The following NBEAL1 variants were observed in gnomAD, a reference collection of about 807,000 sequenced individuals.
The protein encoded by NBEAL1 is neurobeachin-like protein 1.
NBEAL1 carries 273 observed loss-of-function variants against 351.3 expected under a neutral mutation model. The observed-to-expected ratio is 0.78, with a 90% CI of 0.70 to 0.86. The LOEUF (loss-of-function observed/expected upper bound fraction) is 0.86, where lower values mean the gene tolerates loss of function less well. Ranked by LOEUF, NBEAL1 falls within the 40% of genes least tolerant of loss-of-function variation. The probability of loss-of-function intolerance (pLI) is 0.00; values close to 1 mark genes in which losing one functional copy is unlikely to be tolerated. For synonymous variants in NBEAL1, 1,050 were observed against 1,086.4 expected (o/e 0.97, Z 0.66); for missense variants, 2,961 against 3,201.3 (o/e 0.92, Z 1.81).
intron 21 of NBEAL1, 101 bp from the exon 22 acceptor site, chr2:203,126,456 T>C (rs1279536333): frequency 2.0e-6 from 2 of 979,200 alleles, no homozygotes; most frequent in Non-Finnish European, 2.8e-6. Context: ...GGTTTTTCTA[T>C]TTTTATACTT....
At chr2:203,115,700 G>T (rs1015233968) in intron 17 of NBEAL1, among the ~76,000 whole-genome samples, 1 of 152,154 alleles carries the variant, frequency 6.6e-6, no homozygotes, top group Non-Finnish European at 1.5e-5. Context: ...AAAGTGCTGG[G>T]ATTACAGGCA....
chr2:203,181,180 C>T (rs1210615220), intron 43 of NBEAL1: 2 of 151,864 alleles, frequency 1.3e-5, no homozygotes, highest in African/African-American at 4.8e-5. Context: ...GATCCTTCCA[C>T]CTTGGCCTCC....
chr2:203,127,927 A>G lies in NBEAL1; in HGVS notation c.3395A>G (p.Glu1132Gly), dbSNP rs1485938616. 1.5e-5 allele frequency: 24 copies of G among 1,549,088 alleles called. No individual in the cohort carries two copies. Among genetic ancestry groups the G allele is most frequent in the Non-Finnish European group, 1.9e-5 (22 of 1,145,000 alleles). Residue 1132 changes from glutamate to glycine, a missense_variant, in exon 24 of 56, where the codon GAA (glutamate) becomes GGA (glycine). Physicochemically the swap from Glu to Gly is moderately conservative, Grantham distance 98. Coordinates refer to ENST00000683969, the MANE Select transcript of NBEAL1 (RefSeq NM_001378026.1). ...ATGGGGTACATAGCTGCTACTAATGAAGAAGAACAGGTATTATGCCTAAGA... is the reference window on the plus strand; with the variant it reads ...ATGGGGTACATAGCTGCTACTAATGGAGAAGAACAGGTATTATGCCTAAGA... ...SIMGYIAATNEEEQLFGILDV... is the reference protein window; with the variant it reads ...SIMGYIAATNGEEQLFGILDV...
Position 203,151,569 on chromosome 2 carries a change from G to C in NBEAL1, c.5567G>C (p.Ser1856Thr), listed in dbSNP as rs766225949. 4 of 1,606,076 alleles carry C rather than the reference G, an allele frequency of 2.5e-6. No individual in the cohort carries two copies. The African/African-American group carries it at 4.0e-5, about 16-fold the overall frequency. The part of the protein sequence containing the change: ...NYNFKTHEEA[S>T]ALRDNLGIQH... ...AATTTCAAAACCCATGAGGAAGCTA[G>C]TGCCTTGAGAGATAATCTGGGTGAG... is the stretch of plus-strand genomic sequence containing the variant. The change falls in exon 35 of 56, where the codon AGT becomes ACT. Residue 1856 changes from serine to threonine, a missense_variant. Physicochemically the swap from Ser to Thr is moderately conservative, Grantham distance 58. Transcript: ENST00000683969.
intron 42 of NBEAL1, among the ~76,000 whole-genome samples, chr2:203,178,444 G>A (rs1458604805): frequency 2.6e-5 from 4 of 152,150 alleles, no homozygotes; most frequent in Non-Finnish European, 5.9e-5. Flanking sequence ...TGGGATTACA[G>A]GCGTGAGCCA....
Position 203,222,113 on chromosome 2 carries a change from A to G in NBEAL1, c.*4759A>G, listed in dbSNP as rs1354222664. Among the ~76,000 whole-genome samples, 1 of 152,206 alleles carries G rather than the reference A, an allele frequency of 6.6e-6. No individual in the cohort carries two copies. The highest frequency in any genetic ancestry group is 2.4e-5 in the African/African-American group (1 of 41,464). On this transcript the variant is annotated 3_prime_UTR_variant, in exon 56 of 56. Coordinates refer to ENST00000683969, the MANE Select transcript of NBEAL1 (RefSeq NM_001378026.1). ...TGAGGCAAGGGGTTTGCTTGAGCCT[A>G]GAGATCAAGGCTGCAGTAAGCTGTG...
rs1341695838 is a variant in NBEAL1, at chr2:203,099,723, T to C, written c.1269+11T>C. 7 of 1,516,860 alleles carry C rather than the reference T, an allele frequency of 4.6e-6. No individual in the cohort carries two copies. The highest frequency in any genetic ancestry group is 2.2e-5 in the Admixed American group (1 of 45,186). The allele number at this position is 1,516,860 out of a possible 1,614,324, so 94.0% of individuals were successfully genotyped here. On this transcript the variant is annotated intron_variant, in intron 12 of 55. Coordinates refer to ENST00000683969, the MANE Select transcript of NBEAL1 (RefSeq NM_001378026.1). ...TCTCCAGCTGCTAAGGTGAAACATATATCCTCCAGCTTTTTTTTTTTTCTT... is the reference window on the plus strand; with the variant it reads ...TCTCCAGCTGCTAAGGTGAAACATACATCCTCCAGCTTTTTTTTTTTTCTT...
chr2:203,164,792 C>T (rs369770858), intron 36 of NBEAL1, among the ~76,000 whole-genome samples: 8 of 151,904 alleles, frequency 5.3e-5, no homozygotes, highest in African/African-American at 1.9e-4. Context: ...ATGTCTAGGA[C>T]CAGAGAGTTA....
In NBEAL1 at chr2:203,062,636, G is replaced by C. The variant is rs1325025664; in HGVS notation, c.515+5183G>C. 1 of 165,566 alleles carries C rather than the reference G, an allele frequency of 6.0e-6. No individual in the cohort carries two copies. The highest frequency in any genetic ancestry group is 2.4e-5 in the African/African-American group (1 of 41,528). 10.3% of individuals were successfully genotyped at this position (165,566 alleles called of 1,614,324 possible). On this transcript the variant is annotated intron_variant, in intron 6 of 55. Transcript: ENST00000683969. This position sits in a 1 kb window ranked among gnomAD's most constrained non-coding sequence, Gnocchi z 4.2. ...AGATGGCAACAGAAAGGGGGGCAAAGTAGAGGATGAGTAGCAGCATTTAAT... is the reference window on the plus strand; with the variant it reads ...AGATGGCAACAGAAAGGGGGGCAAACTAGAGGATGAGTAGCAGCATTTAAT...
intron 8 of NBEAL1, among the ~76,000 whole-genome samples, chr2:203,079,756 A>G (rs1181256439): frequency 6.6e-6 from 1 of 152,216 alleles, no homozygotes; most frequent in Non-Finnish European, 1.5e-5. Context: ...CCAATAATAC[A>G]CTAGGCATAT....
intron 36 of NBEAL1, among the ~76,000 whole-genome samples, chr2:203,164,677 G>A (rs1575069700): frequency 1.3e-5 from 2 of 152,048 alleles, no homozygotes; most frequent in Admixed American, 1.3e-4. Flanking sequence ...ATAAATGATT[G>A]CAACATTGCA....
chr2:203,056,373 A>G (rs1403904974), intron 4 of NBEAL1, 54 bp from the exon 5 acceptor site: 2 of 923,890 alleles, frequency 2.2e-6, no homozygotes, highest in Admixed American at 2.0e-5. Context: ...ATTCATGAAC[A>G]TATGTTTTGT....
rs981941241 is a variant in NBEAL1, at chr2:203,225,112, C to A, written c.*7758C>A. Among the ~76,000 whole-genome samples the A allele has an allele frequency of 1.3e-5, 2 of 151,988 alleles. No individual in the cohort carries two copies. The highest frequency in any genetic ancestry group is 2.9e-5 in the Non-Finnish European group (2 of 67,984). The stretch of plus-strand genomic sequence containing the variant: ...GTATTCTAATACTTTTTAAGAATGT[C>A]CATTTATTTTGTACATAATAAATTA... On this transcript the variant is annotated 3_prime_UTR_variant, in exon 56 of 56. Transcript: ENST00000683969.
chr2:203,128,184 A>C (rs1415599014), intron 24 of NBEAL1, among the ~76,000 whole-genome samples: 1 of 150,224 alleles, frequency 6.7e-6, no homozygotes, highest in East Asian at 2.0e-4. Context: ...TCCCAGAAGG[A>C]GAAGTGGTTC....
rs555287933 is a variant in NBEAL1, at chr2:203,093,746, A to G, written c.1099-3801A>G. 2.0e-5 allele frequency among the ~76,000 whole-genome samples: 3 copies of G among 152,260 alleles called. No individual in the cohort carries two copies. In the East Asian group the frequency reaches 5.8e-4, roughly 29 times the overall value. ...GCACACCTCTGTAATCCTAGCTACT[A>G]GAGAGGCTGAAGAATCGTTTGAACT... is the stretch of plus-strand genomic sequence containing the variant. On this transcript the variant is annotated intron_variant, in intron 10 of 55. Transcript: ENST00000683969.
rs1489214431 is a variant in NBEAL1, at chr2:203,130,388, T to A, written c.3476T>A (p.Leu1159Gln). ...TSPTRGQLFL[L>Q]LFEPGNADIL... Reference sequence around the variant, plus strand: ...CCAACCAGAGGTCAGCTTTTCTTACTGCTTTTTGAACCAGGAAATGCTGAC... The same window carrying A: ...CCAACCAGAGGTCAGCTTTTCTTACAGCTTTTTGAACCAGGAAATGCTGAC... Residue 1159 changes from leucine to glutamine, a missense_variant, in exon 25 of 56, where the codon CTG becomes CAG. Leu to Gln is a moderately radical substitution (Grantham distance 113). Coordinates refer to ENST00000683969, the MANE Select transcript of NBEAL1 (RefSeq NM_001378026.1). 4 of 1,535,982 alleles carry A rather than the reference T, an allele frequency of 2.6e-6. No homozygotes were observed. The East Asian group carries it at 9.8e-5, about 38-fold the overall frequency.
intron 46 of NBEAL1, among the ~76,000 whole-genome samples, chr2:203,192,800 G>A (rs892404835): frequency 1.3e-5 from 2 of 151,906 alleles, no homozygotes; most frequent in African/African-American, 4.8e-5. Flanking sequence ...CCTTTTAACT[G>A]TGCCTTTGAA....
chr2:203,090,445 G>C (rs2062041604), intron 10 of NBEAL1, among the ~76,000 whole-genome samples: 1 of 152,108 alleles, frequency 6.6e-6, no homozygotes, highest in African/African-American at 2.4e-5. Flanking sequence ...AGAGCATCCA[G>C]TAGAAGTAGC....
At chr2:203,109,433 A>G (rs2062511759) in intron 14 of NBEAL1, among the ~76,000 whole-genome samples, 2 of 152,214 alleles carry the variant, frequency 1.3e-5, no homozygotes. Flanking sequence ...AAATATATAT[A>G]AATATGGTAT....
Sources: allele counts gnomAD v4.1 joint callset (sites outside exome capture counted in the v4.1 genomes callset), GRCh38; gene constraint gnomAD v4.1.1; non-coding constraint Gnocchi (gnomAD v3.1); transcripts MANE v1.5; gene names NCBI Gene and HGNC (gene_info 2026-07-23, HGNC 2026-07-21).